Variants in INSC observed in about 807,000 individuals in gnomAD.
The protein encoded by INSC is INSC spindle orientation adaptor protein, also known as protein inscuteable homolog.
A neutral mutation model predicts 58.6 loss-of-function variants in INSC; 67 were observed. The observed-to-expected ratio is 1.14, with a 90% CI of 0.94 to 1.40. The LOEUF (loss-of-function observed/expected upper bound fraction) is 1.40. INSC is among the 40% of genes most tolerant of loss of function. The probability of loss-of-function intolerance (pLI) is 0.00; values close to 1 mark genes in which losing one functional copy is unlikely to be tolerated. For missense variants in INSC, 714 were observed against 692.0 expected (o/e 1.03, Z -0.36); for synonymous variants, 262 against 276.1 (o/e 0.95, Z 0.51).
At chr11:15,212,771 T>C (rs1343830849) in intron 7 of INSC, among the ~76,000 whole-genome samples, 1 of 152,232 alleles carries the variant, frequency 6.6e-6, no homozygotes, top group African/African-American at 2.4e-5. Flanking sequence ...TACACAATTA[T>C]GTCATCTGTC....
intron 5 of INSC, 57 bp from the exon 6 acceptor site, chr11:15,190,644 T>A: frequency 8.4e-7 from 1 of 1,192,968 alleles, no homozygotes; most frequent in Non-Finnish European, 1.3e-6. Flanking sequence ...TCCACTAAGA[T>A]GAGCAGAGGG....
chr11:15,196,904 GGCTACGT>G (rs1387814495), intron 6 of INSC, among the ~76,000 whole-genome samples: 2 of 152,128 alleles, frequency 1.3e-5, no homozygotes, highest in Non-Finnish European at 2.9e-5. Context: ...TGGCAGCAAA[GGCTACGT>G]GCCTGGTTAC....
intron 6 of INSC, among the ~76,000 whole-genome samples, chr11:15,198,696 G>A (rs1172881695): frequency 6.6e-6 from 1 of 151,834 alleles, no homozygotes; most frequent in African/African-American, 2.4e-5. Context: ...ATTTACATCT[G>A]GAAGAAGGCT....
At chr11:15,185,594 G>C (rs535706702) in intron 5 of INSC, among the ~76,000 whole-genome samples, 1 of 151,656 alleles carries the variant, frequency 6.6e-6, no homozygotes, top group Non-Finnish European at 1.5e-5. Context: ...GTGTGATAAG[G>C]GTGATCAATA....
chr11:15,184,226 T>G (rs1849884028), intron 5 of INSC, among the ~76,000 whole-genome samples: 1 of 152,166 alleles, frequency 6.6e-6, no homozygotes, highest in South Asian at 2.1e-4. Flanking sequence ...TTTCAGTAAA[T>G]TATTTTATCT....
At chr11:15,262,650 T>C in the INSC span, among the ~76,000 whole-genome samples, 2 of 69,238 alleles carry the variant, frequency 2.9e-5, no homozygotes, top group African/African-American at 1.1e-4. Flanking sequence ...ATTATCTGGG[T>C]GATAAACACA....
chr11:15,118,198 G>C (rs1326455835), intron 1 of INSC, among the ~76,000 whole-genome samples: 2 of 152,160 alleles, frequency 1.3e-5, no homozygotes, highest in African/African-American at 2.4e-5. Context: ...GCACATGAAG[G>C]GCTTTACTGC....
At chr11:15,150,405 T>C (rs547091444) in intron 2 of INSC, among the ~76,000 whole-genome samples, 1 of 152,364 alleles carries the variant, frequency 6.6e-6, no homozygotes, top group Admixed American at 6.5e-5. Flanking sequence ...TGTCTCCAGA[T>C]AAATAATTCA....
intron 1 of INSC, among the ~76,000 whole-genome samples, chr11:15,137,860 A>G (rs926253846): frequency 6.6e-6 from 1 of 152,166 alleles, no homozygotes; most frequent in Non-Finnish European, 1.5e-5. Flanking sequence ...TTGCATTAAC[A>G]ACTTGCCTAA....
downstream of INSC, among the ~76,000 whole-genome samples, chr11:15,247,817 C>T (rs1344477448): frequency 6.7e-6 from 1 of 149,710 alleles, no homozygotes; most frequent in Non-Finnish European, 1.5e-5. Flanking sequence ...TATCAACAGA[C>T]AACTTTTGTT....
At chr11:15,215,583 T>G (rs193161005) in intron 7 of INSC, among the ~76,000 whole-genome samples, 1,981 of 152,310 alleles carry the variant, frequency 0.013, 52 homozygotes, top group African/African-American at 0.046. Context: ...GGTAATCTCA[T>G]CTCCTCCCTG....
chr11:15,125,639 A>C (rs933052160), intron 1 of INSC, among the ~76,000 whole-genome samples: 1 of 152,082 alleles, frequency 6.6e-6, no homozygotes, highest in Non-Finnish European at 1.5e-5. Context: ...CCTCTGTTCG[A>C]CCCACTTCCA....
upstream of INSC, among the ~76,000 whole-genome samples, chr11:15,113,675 A>G (rs1275576160): frequency 6.6e-6 from 1 of 152,140 alleles, no homozygotes; most frequent in Non-Finnish European, 1.5e-5. Context: ...ACTGGAGGGT[A>G]GAGTTGAAGC....
rs534510961 is a variant in INSC, at chr11:15,121,408, A to G, written c.-46+6405A>G. Among the ~76,000 whole-genome samples the G allele has an allele frequency of 7.9e-5, 12 of 152,326 alleles. 1 individual carries two copies. The South Asian group carries it at 1.9e-3, about 24-fold the overall frequency. On this transcript the variant is annotated intron_variant, in intron 1 of 12. Transcript: ENST00000379556. Reference sequence around the variant, plus strand: ...ATTGTGGATGGTTCTACATGATTAGATTCAAGCAATGCATTAGGGGCAGGA... The same window carrying G: ...ATTGTGGATGGTTCTACATGATTAGGTTCAAGCAATGCATTAGGGGCAGGA...
chr11:15,196,365 C>T (rs894625342), intron 6 of INSC, among the ~76,000 whole-genome samples: 2 of 152,190 alleles, frequency 1.3e-5, no homozygotes, highest in South Asian at 4.1e-4. Flanking sequence ...TGGTTGAATA[C>T]CTTGAGCAGT....
chr11:15,148,178 G>A (rs1446723384), intron 1 of INSC, among the ~76,000 whole-genome samples: 6 of 152,134 alleles, frequency 3.9e-5, no homozygotes, highest in Non-Finnish European at 8.8e-5. Context: ...CTGGAACCTG[G>A]GTTACTCTTA....
intron 6 of INSC, among the ~76,000 whole-genome samples, chr11:15,198,716 C>G (rs935774599): frequency 6.6e-6 from 1 of 151,758 alleles, no homozygotes; most frequent in Admixed American, 6.6e-5. Context: ...TAGAAATGAC[C>G]AGCAGGGCTG....
At chr11:15,149,896 C>G (rs963572036) in intron 2 of INSC, among the ~76,000 whole-genome samples, 3 of 152,160 alleles carry the variant, frequency 2.0e-5, no homozygotes, top group African/African-American at 7.2e-5. Flanking sequence ...AATTAAATTA[C>G]ATGAAAACGA....
At position 15,121,706 on chromosome 11, in the gene INSC, G is replaced by A. The variant is rs148019680; in HGVS notation, c.-46+6703G>A. Among the ~76,000 whole-genome samples, 409 of 152,124 alleles carry A rather than the reference G, an allele frequency of 2.7e-3. 3 individuals carry two copies. Among genetic ancestry groups the A allele is most frequent in the African/African-American group, 8.6e-3 (357 of 41,470 alleles). On this transcript the variant is annotated intron_variant, in intron 1 of 12. Coordinates refer to ENST00000379556, the MANE Select transcript of INSC (RefSeq NM_001042536.3). ...TCATTTTGAATCAATTATTTCTTCCGTATTTAGTAGTTGGCATTCTACTTT... is the reference window on the plus strand; with the variant it reads ...TCATTTTGAATCAATTATTTCTTCCATATTTAGTAGTTGGCATTCTACTTT...
Sources: allele counts gnomAD v4.1 joint callset (sites outside exome capture counted in the v4.1 genomes callset), GRCh38; gene constraint gnomAD v4.1.1; transcripts MANE v1.5; gene names NCBI Gene and HGNC (gene_info 2026-07-23, HGNC 2026-07-21).